Variants in KDM2B observed in about 807,000 individuals in gnomAD.
KDM2B encodes the protein lysine-specific demethylase 2B.
In KDM2B, 26 loss-of-function variants were observed where a neutral mutation model predicts 150.0. That is an observed-to-expected ratio of 0.17 (90% CI 0.13 to 0.24). The LOEUF (loss-of-function observed/expected upper bound fraction) is 0.24, where lower values mean the gene tolerates loss of function less well. KDM2B is among the 10% of genes least tolerant of loss of function. KDM2B has a pLI of 1.00. For missense variants in KDM2B, 1,265 were observed against 1,816.9 expected, an observed-to-expected ratio of 0.70 and a Z score of 5.52; for synonymous variants, 734 against 729.5, an observed-to-expected ratio of 1.01 and a Z score of -0.10.
chr12:121,452,939 C>CAGG lies in KDM2B; in HGVS notation c.1959+178_1959+180dup. On this transcript the variant is annotated intron_variant, in intron 13 of 22. Transcript: ENST00000377071. The surrounding 1 kb of genome is among the most constrained non-coding windows in gnomAD (Gnocchi z 4.4). Reference sequence around the variant, plus strand: ...CCTGAGCACCCTGGGAGGGAAGGAGCAGGAGGCCTGAGCCTGCGAAGCGGC... The same window carrying CAGG: ...CCTGAGCACCCTGGGAGGGAAGGAGCAGGAGGAGGCCTGAGCCTGCGAAGCGGC... Among the ~76,000 whole-genome samples the CAGG allele has an allele frequency of 6.6e-6, 1 of 152,302 alleles. No homozygotes were observed. Among genetic ancestry groups the CAGG allele is most frequent in the Non-Finnish European group, 1.5e-5 (1 of 68,016 alleles).
intron 22 of KDM2B, among the ~76,000 whole-genome samples, chr12:121,436,005 T>C (rs1555286663): frequency 6.6e-6 from 1 of 152,128 alleles, no homozygotes; most frequent in East Asian, 1.9e-4. Context: ...GAACAGTCAA[T>C]GCAGAGAGAA....
chr12:121,481,655 T>C lies in KDM2B; in HGVS notation c.1734+12924A>G, dbSNP rs912151543. 7.2e-5 allele frequency among the ~76,000 whole-genome samples: 11 copies of C among 152,260 alleles called. No individual in the cohort carries two copies. The South Asian group carries it at 1.0e-3, about 14-fold the overall frequency. On this transcript the variant is annotated intron_variant, in intron 12 of 22. Transcript: ENST00000377071. ...AGCCATTATTCCAGAAATAAAACCA[T>C]GGTAATGCCAAGCAATCGGTTATAG...
In KDM2B at chr12:121,519,729, T is replaced by C. The variant is rs1024090517; in HGVS notation, c.1047+1256A>G. Among the ~76,000 whole-genome samples the C allele has an allele frequency of 7.9e-5, 12 of 152,192 alleles. 1 individual carries two copies. Among genetic ancestry groups the C allele is most frequent in the Non-Finnish European group, 4.4e-5 (3 of 68,030 alleles). On this transcript the variant is annotated intron_variant, in intron 9 of 22. Transcript: ENST00000377071. ...TGATCATGACACAATCTTATAAAGA[T>C]ACTAAAACCACTGAATTGTATACTT...
intron 4 of KDM2B, among the ~76,000 whole-genome samples, chr12:121,559,789 G>T (rs1187137900): frequency 1.3e-5 from 2 of 151,898 alleles, no homozygotes; most frequent in Non-Finnish European, 2.9e-5. Flanking sequence ...TGTAATCCCA[G>T]CTACTCGGAA....
chr12:121,537,053 G>A lies in KDM2B; in HGVS notation c.684-2463C>T, dbSNP rs1358844013. Among the ~76,000 whole-genome samples the A allele has an allele frequency of 6.6e-6, 1 of 152,162 alleles. No individual in the cohort carries two copies. The highest frequency in any genetic ancestry group is 1.5e-5 in the Non-Finnish European group (1 of 67,998). On this transcript the variant is annotated intron_variant, in intron 6 of 22. Transcript: ENST00000377071. The surrounding 1 kb of genome is among the most constrained non-coding windows in gnomAD (Gnocchi z 8.7). ...CCAGCATCCAGAGGCCCCTCGGGGG[G>A]CTGGGGCCGCCTCTTCCAGACCTGC...
intron 10 of KDM2B, among the ~76,000 whole-genome samples, chr12:121,512,124 G>A (rs369786073): frequency 1.2e-3 from 181 of 152,252 alleles, no homozygotes; most frequent in Non-Finnish European, 1.9e-3. Flanking sequence ...CTCTGTCTCC[G>A]GGGGATCGTG....
chr12:121,521,899 A>G lies in KDM2B; in HGVS notation c.932-799T>C, dbSNP rs1458768019. Reference sequence around the variant, plus strand: ...TGAGGCGGGAAGATCGCTTGAGCTCAGCAGTTTGAGATCAGCCTGGACAAT... The same window carrying G: ...TGAGGCGGGAAGATCGCTTGAGCTCGGCAGTTTGAGATCAGCCTGGACAAT... On this transcript the variant is annotated intron_variant, in intron 8 of 22. Transcript: ENST00000377071. This position sits in a 1 kb window ranked among gnomAD's most constrained non-coding sequence, Gnocchi z 4.9. Among the ~76,000 whole-genome samples, 3 of 151,890 alleles carry G rather than the reference A, an allele frequency of 2.0e-5. No individual in the cohort carries two copies. Among genetic ancestry groups the G allele is most frequent in the Non-Finnish European group, 4.4e-5 (3 of 67,904 alleles).
At position 121,441,080 on chromosome 12, in the gene KDM2B, G is replaced by A. The variant is rs1294051272; in HGVS notation, c.3438C>T (p.Asn1146=). ...ISKKQLSWLI[N]RLPGLRDLVL... ...TGGCCCAGGGCTCACCAGGCAGCCG[G>A]TTGATGAGCCAGCTCAGCTGCTTCT... The change falls in exon 20 of 23, where the codon AAC becomes AAT. Residue 1146 remains asparagine, a synonymous_variant. Coordinates refer to ENST00000377071, the MANE Select transcript of KDM2B (RefSeq NM_032590.5). 6.2e-7 allele frequency: 1 copy of A among 1,614,170 alleles called. No homozygotes were observed. Among genetic ancestry groups the A allele is most frequent in the East Asian group, 2.2e-5 (1 of 44,882 alleles).
chr12:121,482,312 A>G (rs1882243020), intron 12 of KDM2B, among the ~76,000 whole-genome samples: 1 of 151,846 alleles, frequency 6.6e-6, no homozygotes, highest in Non-Finnish European at 1.5e-5. Flanking sequence ...TGTTTTTTTC[A>G]TTGTGTTGTT....
chr12:121,423,548 T>C, the KDM2B span: 8 of 1,614,000 alleles, frequency 5.0e-6, no homozygotes, highest in Non-Finnish European at 6.8e-6. The surrounding 1 kb of genome is among the most constrained non-coding windows in gnomAD (Gnocchi z 4.3). Context: ...CAGTATGTGG[T>C]GCGAGCCGTG....
chr12:121,575,937 A>C lies in KDM2B; in HGVS notation c.272-78T>G. ...GAACCGGGATCTGTTGGTTAGGGGA[A>C]GAAAACTGATGGACGAAGGGGCAGG... On this transcript the variant is annotated intron_variant, in intron 2 of 22. Coordinates refer to ENST00000377071, the MANE Select transcript of KDM2B (RefSeq NM_032590.5). The surrounding 1 kb of genome is among the most constrained non-coding windows in gnomAD (Gnocchi z 4.4). The C allele has an allele frequency of 9.1e-7, 1 of 1,094,848 alleles. No individual in the cohort carries two copies. The highest frequency in any genetic ancestry group is 1.4e-6 in the Non-Finnish European group (1 of 709,588). 67.8% of individuals were successfully genotyped at this position (1,094,848 alleles called of 1,614,324 possible). A position where few individuals can be genotyped will look rare whatever the true frequency, so the allele number is the denominator to read the frequency against.
At chr12:121,458,371 T>A (rs782479817) in intron 12 of KDM2B, among the ~76,000 whole-genome samples, 1 of 151,868 alleles carries the variant, frequency 6.6e-6, no homozygotes, top group African/African-American at 2.4e-5. Context: ...TAAAACCTTG[T>A]CTCAAAAACA....
At chr12:121,498,545 G>A (rs560587602) in intron 11 of KDM2B, among the ~76,000 whole-genome samples, 9 of 152,208 alleles carry the variant, frequency 5.9e-5, no homozygotes, top group Non-Finnish European at 1.3e-4. Flanking sequence ...AACCCACTGT[G>A]AGTGAAACAT....
intron 6 of KDM2B, among the ~76,000 whole-genome samples, chr12:121,539,092 G>A (rs1555309255): frequency 3.9e-5 from 6 of 152,006 alleles, no homozygotes; most frequent in Non-Finnish European, 8.8e-5. Context: ...CCAGCCACCA[G>A]GACTACTGAG....
intron 12 of KDM2B, among the ~76,000 whole-genome samples, chr12:121,485,499 G>A (rs1009199243): frequency 6.6e-6 from 1 of 151,990 alleles, no homozygotes; most frequent in African/African-American, 2.4e-5. Context: ...CAGTCACTAC[G>A]CTAAACTGAT....
chr12:121,579,117 A>T, intron 1 of KDM2B, 171 bp from the exon 2 acceptor site: 1 of 713,776 alleles, frequency 1.4e-6, no homozygotes. Context: ...CAGGACAAGG[A>T]GAGGGGCCCG....
At chr12:121,572,123 A>T (rs1555316053) in intron 4 of KDM2B, among the ~76,000 whole-genome samples, 1 of 152,194 alleles carries the variant, frequency 6.6e-6, no homozygotes, top group Non-Finnish European at 1.5e-5. Context: ...GCTTAGGCCC[A>T]GGAGTTGCAG....
At chr12:121,552,727 C>A (rs1338819870) in intron 4 of KDM2B, among the ~76,000 whole-genome samples, 1 of 151,918 alleles carries the variant, frequency 6.6e-6, no homozygotes, top group African/African-American at 2.4e-5. Flanking sequence ...CAGGTCCCTC[C>A]CCATGGACCC....
the KDM2B span, chr12:121,420,536 G>C: frequency 8.7e-6 from 14 of 1,603,792 alleles, no homozygotes; most frequent in Non-Finnish European, 1.2e-5. Context: ...GGAGGGTCTG[G>C]ACTTATGGGA....
Sources: allele counts gnomAD v4.1 joint callset (sites outside exome capture counted in the v4.1 genomes callset), GRCh38; gene constraint gnomAD v4.1.1; non-coding constraint Gnocchi (gnomAD v3.1); transcripts MANE v1.5; gene names NCBI Gene and HGNC (gene_info 2026-07-23, HGNC 2026-07-21).